AXL: variants seen among roughly 807,000 people sequenced by gnomAD.
The protein encoded by AXL is AXL receptor tyrosine kinase.
AXL carries 52 observed loss-of-function variants against 104.5 expected under a neutral mutation model. The ratio of observed to expected loss-of-function variants is 0.50; its 90% confidence interval spans 0.40 to 0.63. The LOEUF (loss-of-function observed/expected upper bound fraction) is 0.63. AXL is among the 20% of genes least tolerant of loss of function. The pLI is 0.00. For synonymous variants in AXL, 455 were observed against 473.7 expected, an observed-to-expected ratio of 0.96 and a Z score of 0.51; for missense variants, 1,024 against 1,188.5, an observed-to-expected ratio of 0.86 and a Z score of 2.04.
In AXL at chr19:41,221,182, C is replaced by A; in HGVS notation, c.345C>A (p.Tyr115Ter). The A allele has an allele frequency of 6.2e-7, 1 of 1,614,042 alleles. No homozygotes were observed. The highest frequency in any genetic ancestry group is 8.5e-7 in the Non-Finnish European group (1 of 1,179,992). The change falls in exon 3 of 20, where the codon TAC becomes TAA. Residue 115 changes from tyrosine to a stop codon, truncating the protein, a stop_gained. Coordinates refer to ENST00000301178, the MANE Select transcript of AXL (RefSeq NM_021913.5). LOFTEE classifies it high-confidence loss of function. ...TSLQLSDTGQ[Y>*]QCLVFLGHQT... Reference sequence around the variant, plus strand: ...TGCAGCTTTCCGACACGGGACAGTACCAGTGTTTGGTGTTTCTGGGACATC... The same window carrying A: ...TGCAGCTTTCCGACACGGGACAGTAACAGTGTTTGGTGTTTCTGGGACATC...
At chr19:41,243,750 G>A in intron 12 of AXL, 43 bp downstream of exon 12, 1 of 1,560,120 alleles carries the variant, frequency 6.4e-7, no homozygotes, top group Non-Finnish European at 8.8e-7. Flanking sequence ...TGGATCTAAA[G>A]GCTGTAGAGA....
intron 4 of AXL, among the ~76,000 whole-genome samples, chr19:41,222,775 G>A (rs2033814890): frequency 1.3e-5 from 2 of 151,694 alleles, no homozygotes; most frequent in South Asian, 2.1e-4. Flanking sequence ...GCGTGGTGGC[G>A]GGCGCCTGTA....
At chr19:41,245,283 C>T (rs535440958) in intron 12 of AXL, among the ~76,000 whole-genome samples, 3 of 152,276 alleles carry the variant, frequency 2.0e-5, no homozygotes, top group Admixed American at 6.5e-5. Context: ...GAGATAGAAT[C>T]GATCTTGGCC....
chr19:41,225,578 C>T (rs570580368), intron 4 of AXL, among the ~76,000 whole-genome samples: 17 of 152,278 alleles, frequency 1.1e-4, no homozygotes, highest in African/African-American at 4.1e-4. Flanking sequence ...TACATTGCGT[C>T]GCTAGGTGTT....
At chr19:41,231,946 C>CA (rs1568410967) in intron 6 of AXL, among the ~76,000 whole-genome samples, 12,261 of 133,674 alleles carry the variant, frequency 0.092, 596 homozygotes, top group South Asian at 0.13. Flanking sequence ...AAAGAAACAA[C>CA]AACAAAAAAA....
rs141747375 is a variant in AXL, at chr19:41,226,011, G to T, written c.586+3955G>T. ...TCAGGACATCTGGAAAGCACATCTG[G>T]AATCGGCCTGCTCCTGTCGTCTTGC... is the stretch of plus-strand genomic sequence containing the variant. On this transcript the variant is annotated intron_variant, in intron 4 of 19. Transcript: ENST00000301178. Among the ~76,000 whole-genome samples the T allele has an allele frequency of 7.8e-3, 1,186 of 152,306 alleles. 19 individuals carry two copies. The highest frequency in any genetic ancestry group is 0.027 in the African/African-American group (1,116 of 41,548).
Position 41,239,268 on chromosome 19 carries a change from G to A in AXL, c.1239G>A (p.Gly413=), listed in dbSNP as rs2034138358. ...TVCVAAYTAA[G]DGPWSLPVPL... ...GTGTGGCAGCCTACACTGCTGCTGG[G>A]GATGGACCCTGGAGCCTCCCAGTAC... The change falls in exon 9 of 20, where the codon GGG becomes GGA. Residue 413 remains glycine, a synonymous_variant. Transcript: ENST00000301178. The A allele has an allele frequency of 1.9e-6, 3 of 1,608,322 alleles. No homozygotes were observed. The highest frequency in any genetic ancestry group is 2.5e-6 in the Non-Finnish European group (3 of 1,177,200).
At chr19:41,256,742 C>T (rs1287901295) in intron 18 of AXL, 131 bp downstream of exon 18, 20 of 1,264,774 alleles carry the variant, frequency 1.6e-5, no homozygotes, top group Non-Finnish European at 2.1e-5. Context: ...GGCTTGTCCA[C>T]ATGGGCTGGG....
intron 18 of AXL, among the ~76,000 whole-genome samples, 192 bp downstream of exon 18, chr19:41,256,803 A>G (rs2034459927): frequency 6.6e-6 from 1 of 152,214 alleles, no homozygotes; most frequent in Non-Finnish European, 1.5e-5. Context: ...GTACATGCCC[A>G]GGATAAATAC....
At chr19:41,235,937 C>T (rs1166034555) in intron 6 of AXL, among the ~76,000 whole-genome samples, 1 of 152,128 alleles carries the variant, frequency 6.6e-6, no homozygotes, top group African/African-American at 2.4e-5. Context: ...TGGCTCACGC[C>T]TGTAATCCCA....
intron 8 of AXL, 75 bp from the exon 9 acceptor site, chr19:41,239,089 G>T (rs886387899): frequency 1.3e-6 from 2 of 1,548,620 alleles, no homozygotes; most frequent in Admixed American, 1.8e-5. Context: ...AAGAGATGGG[G>T]CATTGAGCCC....
intron 17 of AXL, among the ~76,000 whole-genome samples, 174 bp downstream of exon 17, chr19:41,253,882 C>G (rs1334864080): frequency 6.6e-6 from 1 of 151,846 alleles, no homozygotes; most frequent in East Asian, 1.9e-4. Flanking sequence ...GGAGGTGAGT[C>G]CTGAACTGAG....
chr19:41,239,415 T>G lies in AXL; in HGVS notation c.1285+101T>G, dbSNP rs921692929. The G allele has an allele frequency of 1.5e-5, 22 of 1,480,990 alleles. 1 individual carries two copies. The South Asian group carries it at 2.3e-4, about 15-fold the overall frequency. The allele number at this position is 1,480,990 out of a possible 1,614,324, so 91.7% of individuals were successfully genotyped here. A position where few individuals can be genotyped will look rare whatever the true frequency, so the allele number is the denominator to read the frequency against. On this transcript the variant is annotated intron_variant, in intron 9 of 19. Transcript: ENST00000301178. Reference sequence around the variant, plus strand: ...CAGTGTTACCGCAACTTAGGCCCTGTTCCTACCCTGAGCCTTACTGAGAGC... The same window carrying G: ...CAGTGTTACCGCAACTTAGGCCCTGGTCCTACCCTGAGCCTTACTGAGAGC...
intron 18 of AXL, 31 bp downstream of exon 18, chr19:41,256,642 C>T (rs754795558): frequency 6.2e-7 from 1 of 1,606,926 alleles, no homozygotes; most frequent in South Asian, 1.1e-5. Context: ...AGTGGGGAAC[C>T]ATGGGAGGGC....
chr19:41,239,583 T>C lies in AXL; in HGVS notation c.1286-111T>C, dbSNP rs113296064. 4.0e-4 allele frequency: 507 copies of C among 1,279,380 alleles called. 2 individuals are homozygous for C. Among genetic ancestry groups the C allele is most frequent in the African/African-American group, 2.2e-3 (93 of 41,718 alleles). 79.3% of individuals were successfully genotyped at this position (1,279,380 alleles called of 1,614,324 possible). A position where few individuals can be genotyped will look rare whatever the true frequency, so the allele number is the denominator to read the frequency against. On this transcript the variant is annotated intron_variant, in intron 9 of 19. Coordinates refer to ENST00000301178, the MANE Select transcript of AXL (RefSeq NM_021913.5). ...CCGTGCCAAACCTTCACTCCCTTAC[T>C]CGTGCCACACCCTCACTCCCTTACC...
chr19:41,222,910 G>GAA (rs66609523), intron 4 of AXL, among the ~76,000 whole-genome samples: 2 of 101,876 alleles, frequency 2.0e-5, no homozygotes, highest in Admixed American at 1.1e-4. Flanking sequence ...CATCTCAAAA[G>GAA]AAAAAAAAAA....
intron 7 of AXL, 138 bp downstream of exon 7, chr19:41,238,292 G>C (rs2034118042): frequency 7.0e-7 from 1 of 1,421,218 alleles, no homozygotes. Context: ...TGACCCCTCA[G>C]CAGCACTGCC....
intron 10 of AXL, among the ~76,000 whole-genome samples, chr19:41,241,543 CAAAAAAAA>C (rs11457010): frequency 1.5e-5 from 1 of 67,090 alleles, no homozygotes; most frequent in East Asian, 3.7e-4. Flanking sequence ...GACTCTGTCT[CAAAAAAAA>C]AAAAAAAAGA....
intron 14 of AXL, among the ~76,000 whole-genome samples, chr19:41,249,630 C>T (rs2034328881): frequency 6.6e-6 from 1 of 152,026 alleles, no homozygotes; most frequent in Non-Finnish European, 1.5e-5. Flanking sequence ...GTGGCAGGCA[C>T]CTGTAATCCC....
Sources: allele counts gnomAD v4.1 joint callset (sites outside exome capture counted in the v4.1 genomes callset), GRCh38; gene constraint gnomAD v4.1.1; transcripts MANE v1.5; gene names NCBI Gene and HGNC (gene_info 2026-07-23, HGNC 2026-07-21).